Variants in PRKCA observed in about 807,000 individuals in gnomAD.
The protein encoded by PRKCA is protein kinase C alpha type.
A neutral mutation model predicts 87.0 loss-of-function variants in PRKCA; 27 were observed. The observed-to-expected ratio is 0.31, with a 90% CI of 0.23 to 0.43. PRKCA has a LOEUF of 0.43. Ranked by LOEUF, PRKCA falls within the 20% of genes least tolerant of loss-of-function variation. The pLI, the probability that PRKCA is intolerant of heterozygous loss-of-function variation, is 1.00. For synonymous variants in PRKCA, 329 were observed against 311.1 expected, an observed-to-expected ratio of 1.06 and a Z score of -0.61; for missense variants, 518 against 852.3, an observed-to-expected ratio of 0.61 and a Z score of 4.88.
At chr17:66,455,559 A>T (rs1914542350) in intron 2 of PRKCA, among the ~76,000 whole-genome samples, 6 of 152,222 alleles carry the variant, frequency 3.9e-5, no homozygotes, top group Admixed American at 3.9e-4. Context: ...GTAAACACTG[A>T]TTAACTTTTA....
At chr17:66,550,377 G>T (rs922961250) in intron 3 of PRKCA, among the ~76,000 whole-genome samples, 1 of 152,102 alleles carries the variant, frequency 6.6e-6, no homozygotes, top group Non-Finnish European at 1.5e-5. Flanking sequence ...GGGTCCGGGT[G>T]CAGTGGTCCA....
intron 3 of PRKCA, among the ~76,000 whole-genome samples, chr17:66,557,380 G>C (rs1451313595): frequency 6.6e-6 from 1 of 151,348 alleles, no homozygotes; most frequent in Admixed American, 6.6e-5. Flanking sequence ...TTTCCTGCTT[G>C]ACATTTCTTA....
rs1474623047 is a variant in PRKCA, at chr17:66,645,354, A to G, written c.401-29A>G. The G allele has an allele frequency of 1.9e-6, 3 of 1,613,860 alleles. No homozygotes were observed. The South Asian group carries it at 3.3e-5, about 18-fold the overall frequency. On this transcript the variant is annotated intron_variant, in intron 4 of 16. Transcript: ENST00000413366. Reference sequence around the variant, plus strand: ...AGCGGTGGTTGGAGTCCATATGCCCAGCTCACCCTCTCCTTTCTTGATTCA... The same window carrying G: ...AGCGGTGGTTGGAGTCCATATGCCCGGCTCACCCTCTCCTTTCTTGATTCA...
At chr17:66,595,129 G>A (rs1598802266) in intron 3 of PRKCA, among the ~76,000 whole-genome samples, 1 of 152,076 alleles carries the variant, frequency 6.6e-6, no homozygotes, top group Non-Finnish European at 1.5e-5. Flanking sequence ...GTCTTCACAT[G>A]ACCCTCTTCC....
chr17:66,657,055 C>T (rs933543303), intron 5 of PRKCA, among the ~76,000 whole-genome samples: 4 of 152,180 alleles, frequency 2.6e-5, no homozygotes, highest in African/African-American at 4.8e-5. Flanking sequence ...AGCTTGTAGG[C>T]GTTTCCAATT....
At chr17:66,563,569 A>G (rs751158019) in intron 3 of PRKCA, among the ~76,000 whole-genome samples, 1 of 152,222 alleles carries the variant, frequency 6.6e-6, no homozygotes, top group Non-Finnish European at 1.5e-5. Context: ...CCATTCACCT[A>G]TTCAAGGGTA....
intron 5 of PRKCA, among the ~76,000 whole-genome samples, chr17:66,674,089 T>A (rs1375323322): frequency 6.6e-6 from 1 of 152,208 alleles, no homozygotes; most frequent in African/African-American, 2.4e-5. Context: ...TCAGCAGGAA[T>A]CCAATGAGCG....
chr17:66,603,264 T>TGG (rs1276352074), intron 3 of PRKCA, among the ~76,000 whole-genome samples: 1 of 152,156 alleles, frequency 6.6e-6, no homozygotes, highest in African/African-American at 2.4e-5. Context: ...CCCCAGCCCT[T>TGG]TCCTGAACGC....
chr17:66,581,729 C>G (rs1224951759), intron 3 of PRKCA, among the ~76,000 whole-genome samples: 4 of 152,228 alleles, frequency 2.6e-5, no homozygotes, highest in Non-Finnish European at 5.9e-5. Flanking sequence ...CCCGCCTCAG[C>G]CTCCCAAAGT....
At chr17:66,762,390 G>T (rs1280561548) in intron 13 of PRKCA, among the ~76,000 whole-genome samples, 1 of 152,140 alleles carries the variant, frequency 6.6e-6, no homozygotes, top group Non-Finnish European at 1.5e-5. Flanking sequence ...TGTCAGGTGG[G>T]TGCTGAAATC....
intron 3 of PRKCA, among the ~76,000 whole-genome samples, chr17:66,528,592 G>A (rs1385667364): frequency 6.6e-6 from 1 of 152,102 alleles, no homozygotes; most frequent in Non-Finnish European, 1.5e-5. Context: ...TCTTAATACT[G>A]GAAAAGGCAA....
At chr17:66,638,026 C>T (rs184957910) in intron 3 of PRKCA, among the ~76,000 whole-genome samples, 123 of 151,488 alleles carry the variant, frequency 8.1e-4, no homozygotes, top group African/African-American at 2.9e-3. Context: ...CCATTATAGC[C>T]AAAGAAAATA....
chr17:66,362,534 G>A (rs1885099674), intron 2 of PRKCA, among the ~76,000 whole-genome samples: 2 of 152,176 alleles, frequency 1.3e-5, no homozygotes, highest in South Asian at 4.1e-4. Context: ...TGGATCCTGA[G>A]CTCCTTAAGG....
At chr17:66,460,536 G>A (rs1914796413) in intron 2 of PRKCA, among the ~76,000 whole-genome samples, 1 of 152,144 alleles carries the variant, frequency 6.6e-6, no homozygotes, top group African/African-American at 2.4e-5. Flanking sequence ...TTGCAGCAGT[G>A]CAGACAGGGA....
intron 8 of PRKCA, chr17:66,703,520 G>A (rs1973113729): frequency 6.6e-6 from 1 of 152,158 alleles, no homozygotes; most frequent in African/African-American, 2.4e-5. Context: ...AAGACCTGAT[G>A]TGGTGGCTCA....
At chr17:66,562,366 G>A (rs1968738677) in intron 3 of PRKCA, among the ~76,000 whole-genome samples, 1 of 151,634 alleles carries the variant, frequency 6.6e-6, no homozygotes, top group Non-Finnish European at 1.5e-5. Context: ...ATTTTTGCCA[G>A]CATGGCAACC....
intron 3 of PRKCA, among the ~76,000 whole-genome samples, chr17:66,543,381 T>C (rs979693019): frequency 1.3e-5 from 2 of 152,192 alleles, no homozygotes; most frequent in Non-Finnish European, 2.9e-5. Flanking sequence ...AATGAGATAC[T>C]GTAAGATACT....
chr17:66,356,210 TAAATC>T (rs748870505), intron 2 of PRKCA, among the ~76,000 whole-genome samples: 1 of 152,322 alleles, frequency 6.6e-6, no homozygotes, highest in East Asian at 1.9e-4. Flanking sequence ...TGATTTTTTT[TAAATC>T]TAGTTTTTAA....
chr17:66,749,845 G>A (rs1210528151), intron 13 of PRKCA, among the ~76,000 whole-genome samples: 2 of 152,080 alleles, frequency 1.3e-5, no homozygotes, highest in African/African-American at 2.4e-5. Context: ...CACAGGTGTT[G>A]GGCTGATGGT....
Sources: gnomAD v4.1 joint callset for allele counts (sites outside exome capture counted in the v4.1 genomes callset) on GRCh38, gnomAD v4.1.1 for gene constraint, MANE v1.5 for transcripts, NCBI Gene and HGNC (gene_info 2026-07-23, HGNC 2026-07-21) for gene names.